STKLD1: variants seen among roughly 807,000 people sequenced by gnomAD.
STKLD1 encodes serine/threonine kinase-like domain-containing protein STKLD1.
In STKLD1, 79 loss-of-function variants were observed where a neutral mutation model predicts 80.4. The ratio of observed to expected loss-of-function variants is 0.98; its 90% confidence interval spans 0.82 to 1.19. STKLD1 has a LOEUF of 1.19. STKLD1 is among the 50% of genes most tolerant of loss of function. The pLI, the probability that STKLD1 is intolerant of heterozygous loss-of-function variation, is 0.00. For synonymous variants in STKLD1, 393 were observed against 357.6 expected (o/e 1.10, Z -1.12); for missense variants, 841 against 856.0 (o/e 0.98, Z 0.22).
chr9:133,405,203 G>A (rs1554778474), intron 17 of STKLD1, 49 bp from the exon 18 acceptor site: 2 of 1,542,216 alleles, frequency 1.3e-6, no homozygotes, highest in Middle Eastern at 2.1e-4. Flanking sequence ...CTTCTGGCAA[G>A]GGGCACAGGA....
chr9:133,388,485 G>A (rs1268730483), intron 5 of STKLD1, among the ~76,000 whole-genome samples: 1 of 152,118 alleles, frequency 6.6e-6, no homozygotes, highest in Non-Finnish European at 1.5e-5. Context: ...GACCTCAAGT[G>A]ATCCACCCGC....
In STKLD1 at chr9:133,389,678, G is replaced by A. The variant is rs1406886033; in HGVS notation, c.467+82G>A. On this transcript the variant is annotated intron_variant, in intron 6 of 17. Transcript: ENST00000371957. The surrounding 1 kb of genome is among the most constrained non-coding windows in gnomAD (Gnocchi z 6.4). ...TGAGGCCACTCGGGTGCCAGTGCCC[G>A]TGGGCAGGATCTGGGGAGAAAGGTG... is the stretch of plus-strand genomic sequence containing the variant. 8.8e-6 allele frequency: 14 copies of A among 1,584,012 alleles called. No individual in the cohort carries two copies. Among genetic ancestry groups the A allele is most frequent in the East Asian group, 2.3e-5 (1 of 44,082 alleles).
At chr9:133,404,154 A>T (rs1838780877) in intron 16 of STKLD1, 106 bp downstream of exon 16, 1 of 1,371,260 alleles carries the variant, frequency 7.3e-7, no homozygotes, top group African/African-American at 1.5e-5. Flanking sequence ...AGAAGCAACA[A>T]ATCAAAAAGG....
intron 4 of STKLD1, 25 bp from the exon 5 acceptor site, chr9:133,387,422 G>A: frequency 6.2e-7 from 1 of 1,603,484 alleles, no homozygotes; most frequent in Non-Finnish European, 8.5e-7. Flanking sequence ...GGCGTCCTTT[G>A]GCTAAGGGCC....
Position 133,397,235 on chromosome 9 carries a change from A to C in STKLD1, c.938A>C (p.Gln313Pro). The C allele has an allele frequency of 6.2e-7, 1 of 1,613,952 alleles. No homozygotes were observed. The highest frequency in any genetic ancestry group is 8.5e-7 in the Non-Finnish European group (1 of 1,180,018). Residue 313 changes from glutamine to proline, a missense_variant, in exon 10 of 18, where the codon CAG becomes CCG. By Grantham distance (76) the Gln-to-Pro change is moderately conservative. Transcript: ENST00000371957. Reference protein sequence around the residue: ...SSCVSLTLHRQMVPASITDML... With the variant: ...SSCVSLTLHRPMVPASITDML... ...TGCGTCTCTCTGACCCTGCACCGGC[A>C]GATGGTGCCTGCGTCCATCACCGAC...
At chr9:133,383,954 CTG>C in intron 3 of STKLD1, 54 bp downstream of exon 3, 1 of 1,522,086 alleles carries the variant, frequency 6.6e-7, no homozygotes, top group Admixed American at 1.7e-5. Flanking sequence ...CATACACAGA[CTG>C]TGTTCTGTAC....
At chr9:133,382,835 A>G (rs1213875174) in intron 2 of STKLD1, among the ~76,000 whole-genome samples, 1 of 119,260 alleles carries the variant, frequency 8.4e-6, no homozygotes, top group Non-Finnish European at 1.8e-5. Flanking sequence ...TGATGGTTTG[A>G]TGGTGGTGAT....
intron 2 of STKLD1, among the ~76,000 whole-genome samples, chr9:133,380,768 C>T (rs2130264333): frequency 4.6e-5 from 7 of 151,876 alleles, no homozygotes; most frequent in African/African-American, 1.7e-4. Context: ...GTCTTTTTTC[C>T]TAAGCGTTTG....
chr9:133,379,141 G>C lies in STKLD1; in HGVS notation c.174+19G>C. 1 of 1,606,860 alleles carries C rather than the reference G, an allele frequency of 6.2e-7. No individual in the cohort carries two copies. The highest frequency in any genetic ancestry group is 1.3e-5 in the African/African-American group (1 of 74,794). On this transcript the variant is annotated intron_variant, in intron 2 of 17. Transcript: ENST00000371957. ...AAAGCAGGTAAGAGGCCAAGCCTGT[G>C]CATCCCATGCCGGGTGGTTCTGTGA...
rs1056799279 is a variant in STKLD1 at position 133,390,893 on chromosome 9, C to G, written c.583+97C>G. The G allele has an allele frequency of 2.3e-6, 2 of 882,796 alleles. No homozygotes were observed. Among genetic ancestry groups the G allele is most frequent in the Non-Finnish European group, 3.8e-6 (2 of 529,726 alleles). The allele number at this position is 882,796 out of a possible 1,614,324, so 54.7% of individuals were successfully genotyped here. A position where few individuals can be genotyped will look rare whatever the true frequency, so the allele number is the denominator to read the frequency against. On this transcript the variant is annotated intron_variant, in intron 7 of 17. Transcript: ENST00000371957. This position sits in a 1 kb window ranked among gnomAD's most constrained non-coding sequence, Gnocchi z 5.1. Reference sequence around the variant, plus strand: ...GGTGCTGGAGTGAGGCAACATCAAACAGCTGTTTGCTCAGAAGGTCCCCAC... The same window carrying G: ...GGTGCTGGAGTGAGGCAACATCAAAGAGCTGTTTGCTCAGAAGGTCCCCAC...
chr9:133,387,930 C>A, intron 5 of STKLD1: 1 of 449,454 alleles, frequency 2.2e-6, no homozygotes, highest in Non-Finnish European at 4.5e-6. Context: ...CTGCTGCATG[C>A]ACCAGCAAAT....
At chr9:133,386,100 G>A (rs2130276683) in intron 4 of STKLD1, among the ~76,000 whole-genome samples, 1 of 152,142 alleles carries the variant, frequency 6.6e-6, no homozygotes, top group African/African-American at 2.4e-5. Context: ...TGTATTTTTA[G>A]TAGAGACGGG....
intron 17 of STKLD1, 55 bp downstream of exon 17, chr9:133,404,984 C>G: frequency 1.3e-6 from 2 of 1,589,034 alleles, no homozygotes; most frequent in Non-Finnish European, 1.7e-6. Context: ...AGGGGTGCCC[C>G]GCTCCCCCTA....
chr9:133,382,113 C>T (rs2130267555), intron 2 of STKLD1, among the ~76,000 whole-genome samples: 12 of 152,322 alleles, frequency 7.9e-5, no homozygotes, highest in African/African-American at 2.2e-4. Context: ...TTTCCATGCC[C>T]TCCCCACCTC....
In STKLD1 at chr9:133,403,695, T is replaced by G. The variant is rs782024298; in HGVS notation, c.1475-5T>G. On this transcript the variant is annotated splice_region_variant and splice_polypyrimidine_tract_variant and intron_variant, in intron 14 of 17. Transcript: ENST00000371957. ...TGTCCCCTTCCATCCCTGTCCTCGTTCCAGGTATCATTGTGAACAAGGCCC... is the reference window on the plus strand; with the variant it reads ...TGTCCCCTTCCATCCCTGTCCTCGTGCCAGGTATCATTGTGAACAAGGCCC... 3 of 1,612,408 alleles carry G rather than the reference T, an allele frequency of 1.9e-6. No individual in the cohort carries two copies. The highest frequency in any genetic ancestry group is 1.7e-6 in the Non-Finnish European group (2 of 1,179,022).
At chr9:133,400,714 A>G (rs1838680084) in intron 12 of STKLD1, among the ~76,000 whole-genome samples, 185 bp downstream of exon 12, 2 of 152,094 alleles carry the variant, frequency 1.3e-5, no homozygotes, top group Middle Eastern at 3.4e-3. Context: ...GCCAGGAGAC[A>G]CTCCTGGTGG....
intron 11 of STKLD1, 109 bp downstream of exon 11, chr9:133,398,164 T>C (rs1838610839): frequency 1.0e-6 from 1 of 971,738 alleles, no homozygotes; most frequent in East Asian, 2.6e-5. Flanking sequence ...TCCTCGCCAG[T>C]GCTTTATTGC....
Position 133,385,562 on chromosome 9 carries a change from G to A in STKLD1, c.220-55G>A. 1 of 1,559,746 alleles carries A rather than the reference G, an allele frequency of 6.4e-7. No individual in the cohort carries two copies. Among genetic ancestry groups the A allele is most frequent in the South Asian group, 1.1e-5 (1 of 89,464 alleles). On this transcript the variant is annotated intron_variant, in intron 3 of 17. Coordinates refer to ENST00000371957, the MANE Select transcript of STKLD1 (RefSeq NM_153710.5). This position sits in a 1 kb window ranked among gnomAD's most constrained non-coding sequence, Gnocchi z 4.9. ...GATGTGTGACAGAGAAGCCCGAGCT[G>A]AGAAAGGCGTGGAGAGGCACTGACT...
At chr9:133,378,289 T>C (rs2130257144) in intron 1 of STKLD1, among the ~76,000 whole-genome samples, 6 of 152,182 alleles carry the variant, frequency 3.9e-5, no homozygotes, top group African/African-American at 1.4e-4. Context: ...TCCATCCTCA[T>C]ATCTCCTCCT....
Sources: allele counts gnomAD v4.1 joint callset (sites outside exome capture counted in the v4.1 genomes callset), GRCh38; gene constraint gnomAD v4.1.1; non-coding constraint Gnocchi (gnomAD v3.1); transcripts MANE v1.5; gene names NCBI Gene and HGNC (gene_info 2026-07-23, HGNC 2026-07-21).